Variants in CUL2 observed in about 807,000 individuals in gnomAD.
CUL2 encodes cullin 2.
A neutral mutation model predicts 110.2 loss-of-function variants in CUL2; 22 were observed. That is an observed-to-expected ratio of 0.20 (90% CI 0.14 to 0.28). The LOEUF (loss-of-function observed/expected upper bound fraction) is 0.28, where lower values mean the gene tolerates loss of function less well. CUL2 is among the 10% of genes least tolerant of loss of function. CUL2 has a pLI of 1.00. For missense variants in CUL2, 631 were observed against 905.5 expected, an observed-to-expected ratio of 0.70 and a Z score of 3.89; for synonymous variants, 279 against 293.2, an observed-to-expected ratio of 0.95 and a Z score of 0.49.
chr10:35,056,698 G>A (rs764284271), intron 4 of CUL2, among the ~76,000 whole-genome samples: 10 of 152,286 alleles, frequency 6.6e-5, no homozygotes, highest in Non-Finnish European at 1.5e-4. Flanking sequence ...ATAAGATTTC[G>A]TCAGGAGCGG....
intron 6 of CUL2, among the ~76,000 whole-genome samples, chr10:35,047,331 C>A (rs1252548834): frequency 6.6e-6 from 1 of 152,048 alleles, no homozygotes; most frequent in Non-Finnish European, 1.5e-5. Context: ...GATTTCTGGG[C>A]CAGGCGCAGT....
intron 1 of CUL2, among the ~76,000 whole-genome samples, chr10:35,114,158 G>A (rs1371494291): frequency 2.0e-5 from 3 of 151,186 alleles, no homozygotes. Flanking sequence ...TCCTGACCTC[G>A]TGATCCGCCT....
chr10:35,070,049 G>A (rs1323052914), intron 2 of CUL2, among the ~76,000 whole-genome samples: 1 of 152,032 alleles, frequency 6.6e-6, no homozygotes, highest in Non-Finnish European at 1.5e-5. Context: ...TCAAGTCTGT[G>A]GTCCATCAAT....
intron 18 of CUL2, among the ~76,000 whole-genome samples, chr10:35,014,299 G>T (rs2084974132): frequency 6.6e-6 from 1 of 152,206 alleles, no homozygotes; most frequent in African/African-American, 2.4e-5. Flanking sequence ...GACCTGGGGT[G>T]ATGGTGAAAA....
intron 15 of CUL2, 38 bp downstream of exon 15, chr10:35,029,450 T>C: frequency 1.5e-6 from 2 of 1,337,002 alleles, no homozygotes; most frequent in South Asian, 1.5e-5. Flanking sequence ...CGTACTGAAA[T>C]GATTAGTAAA....
At chr10:35,046,164 T>C (rs754119589) in intron 6 of CUL2, among the ~76,000 whole-genome samples, 1 of 152,252 alleles carries the variant, frequency 6.6e-6, no homozygotes, top group Non-Finnish European at 1.5e-5. Context: ...CTGTCAGTCA[T>C]AGAGAATCTT....
intron 1 of CUL2, among the ~76,000 whole-genome samples, chr10:35,102,813 G>A (rs549001043): frequency 2.0e-5 from 3 of 151,604 alleles, no homozygotes; most frequent in East Asian, 3.9e-4. Flanking sequence ...AACCTGGGGG[G>A]CGGAAGTTGC....
At chr10:35,060,989 T>G in intron 3 of CUL2, 21 bp from the exon 4 acceptor site, 1 of 1,589,894 alleles carries the variant, frequency 6.3e-7, no homozygotes, top group Middle Eastern at 1.7e-4. Flanking sequence ...AGGAAAAATA[T>G]TTTTACTTGA....
In CUL2 at chr10:35,009,217, A is replaced by G. The variant is rs942826019; in HGVS notation, c.*1094T>C. 2 of 146,412 alleles carry G rather than the reference A, an allele frequency of 1.4e-5. No homozygotes were observed. The highest frequency in any genetic ancestry group is 2.0e-4 in the East Asian group (1 of 5,094). The allele number at this position is 146,412 out of a possible 1,614,324, so 9.1% of individuals were successfully genotyped here. On this transcript the variant is annotated 3_prime_UTR_variant, in exon 21 of 21. Coordinates refer to ENST00000374749, the MANE Select transcript of CUL2 (RefSeq NM_003591.4). ...ATATATATATTATATATATATATAT[A>G]TATAAAATAAACAAAATAATGGGAT... is the stretch of plus-strand genomic sequence containing the variant.
At chr10:35,126,926 T>C (rs1004298431), upstream of CUL2, 2 of 151,702 alleles carry the variant, frequency 1.3e-5, no homozygotes, top group Non-Finnish European at 2.9e-5. Flanking sequence ...CCTCGGGGCC[T>C]CCCCCGGGAG....
intron 16 of CUL2, among the ~76,000 whole-genome samples, chr10:35,026,409 C>T (rs2085336691): frequency 6.6e-6 from 1 of 152,180 alleles, no homozygotes; most frequent in Non-Finnish European, 1.5e-5. Flanking sequence ...TACAATGAAT[C>T]TGGACAAAAG....
intron 2 of CUL2, among the ~76,000 whole-genome samples, chr10:35,098,792 G>T (rs917968862): frequency 1.3e-5 from 2 of 152,082 alleles, no homozygotes; most frequent in Non-Finnish European, 2.9e-5. Flanking sequence ...AAATTAGCTG[G>T]GCACGGTGGC....
At chr10:35,116,451 GAAAT>G (rs2087602918) in intron 1 of CUL2, among the ~76,000 whole-genome samples, 1 of 152,140 alleles carries the variant, frequency 6.6e-6, no homozygotes, top group African/African-American at 2.4e-5. Flanking sequence ...TTTTTAGTAA[GAAAT>G]AGATAAGCTG....
chr10:35,027,490 A>G (rs1265304968), intron 16 of CUL2, among the ~76,000 whole-genome samples: 2 of 152,174 alleles, frequency 1.3e-5, no homozygotes, highest in Non-Finnish European at 2.9e-5. Context: ...CTAGGTAAAA[A>G]AGAAATGTAA....
intron 1 of CUL2, among the ~76,000 whole-genome samples, chr10:35,102,614 G>A (rs958795449): frequency 3.3e-5 from 5 of 151,738 alleles, no homozygotes; most frequent in African/African-American, 1.2e-4. Context: ...GCCTGGCACC[G>A]TGGCTCATAC....
intron 9 of CUL2, among the ~76,000 whole-genome samples, chr10:35,036,757 A>G (rs947152014): frequency 4.6e-5 from 7 of 152,114 alleles, no homozygotes; most frequent in African/African-American, 1.7e-4. Context: ...TTTTTGAGAC[A>G]GGGTCTTACT....
chr10:35,046,848 G>A lies in CUL2; in HGVS notation c.507-1980C>T, dbSNP rs7095213. On this transcript the variant is annotated intron_variant, in intron 6 of 20. Transcript: ENST00000374749. Reference sequence around the variant, plus strand: ...GAGGAGGTTACAGTGAGCCAAGATCGTGCCACGGCATTCTAGCCTGGGCAA... The same window carrying A: ...GAGGAGGTTACAGTGAGCCAAGATCATGCCACGGCATTCTAGCCTGGGCAA... 6.2e-3 allele frequency among the ~76,000 whole-genome samples: 947 copies of A among 152,102 alleles called. 12 individuals are homozygous for A. The highest frequency in any genetic ancestry group is 0.022 in the African/African-American group (899 of 41,478).
chr10:35,029,203 A>T (rs1255105155), intron 15 of CUL2, among the ~76,000 whole-genome samples: 1 of 152,086 alleles, frequency 6.6e-6, no homozygotes, highest in Non-Finnish European at 1.5e-5. Context: ...GATTACAGGC[A>T]CGCACCACCA....
chr10:35,092,792 T>A (rs1268946315), upstream of CUL2, among the ~76,000 whole-genome samples: 4 of 152,112 alleles, frequency 2.6e-5, no homozygotes, highest in Non-Finnish European at 5.9e-5. Flanking sequence ...CTACCCCTGC[T>A]CTTGCTTAGG....
Sources: gnomAD v4.1 joint callset for allele counts (sites outside exome capture counted in the v4.1 genomes callset) on GRCh38, gnomAD v4.1.1 for gene constraint, MANE v1.5 for transcripts, NCBI Gene and HGNC (gene_info 2026-07-23, HGNC 2026-07-21) for gene names.